The following SDK2 variants were observed in gnomAD, a reference collection of about 807,000 sequenced individuals.
The protein encoded by SDK2 is protein sidekick-2.
In SDK2, 105 loss-of-function variants were observed where a neutral mutation model predicts 253.9. The ratio of observed to expected loss-of-function variants is 0.41; its 90% CI spans 0.35 to 0.49. The LOEUF is 0.49. Ranked by LOEUF, SDK2 falls within the 20% of genes least tolerant of loss-of-function variation. The probability of loss-of-function intolerance (pLI) is 0.06; values close to 1 mark genes in which losing one functional copy is unlikely to be tolerated. For synonymous variants in SDK2, 1,249 were observed against 1,234.9 expected, an observed-to-expected ratio of 1.01 and a Z score of -0.24; for missense variants, 2,608 against 3,003.0, an observed-to-expected ratio of 0.87 and a Z score of 3.07.
At chr17:73,607,446 T>C (rs1024698588) in intron 1 of SDK2, among the ~76,000 whole-genome samples, 1 of 152,086 alleles carries the variant, frequency 6.6e-6, no homozygotes, top group East Asian at 1.9e-4. Context: ...GCATTTGGGA[T>C]CTACCGGGGG....
chr17:73,376,641 G>A (rs1461088536), intron 36 of SDK2, among the ~76,000 whole-genome samples: 1 of 151,962 alleles, frequency 6.6e-6, no homozygotes, highest in Non-Finnish European at 1.5e-5. Flanking sequence ...ATGGTGTTGT[G>A]CACCTGCACA....
chr17:73,550,152 G>C (rs2045031601), intron 1 of SDK2, among the ~76,000 whole-genome samples: 1 of 152,264 alleles, frequency 6.6e-6, no homozygotes, highest in East Asian at 1.9e-4. Flanking sequence ...TTCCAGGTCA[G>C]GTTGAGCTGG....
chr17:73,630,500 G>T (rs942405232), intron 1 of SDK2, among the ~76,000 whole-genome samples: 2 of 151,450 alleles, frequency 1.3e-5, no homozygotes, highest in African/African-American at 4.9e-5. Flanking sequence ...TTCCCCCAGG[G>T]CCTGGCACTA....
rs1216765266 is a variant in SDK2 at position 73,383,584 on chromosome 17, T to C, written c.4705+292A>G. 6.6e-6 allele frequency among the ~76,000 whole-genome samples: 1 copy of C among 152,162 alleles called. No individual in the cohort carries two copies. The highest frequency in any genetic ancestry group is 1.5e-5 in the Non-Finnish European group (1 of 68,022). On this transcript the variant is annotated intron_variant, in intron 33 of 44. Coordinates refer to ENST00000392650, the MANE Select transcript of SDK2 (RefSeq NM_001144952.2). The surrounding 1 kb of genome is among the most constrained non-coding windows in gnomAD (Gnocchi z 4.3). Reference sequence around the variant, plus strand: ...TCCCTGGCTTTAGGTCCTCCTAGAATGTTTCCTTCCCAGCTCGCCTGGCTC... The same window carrying C: ...TCCCTGGCTTTAGGTCCTCCTAGAACGTTTCCTTCCCAGCTCGCCTGGCTC...
intron 32 of SDK2, among the ~76,000 whole-genome samples, chr17:73,385,639 C>G (rs1029524756): frequency 1.3e-5 from 2 of 152,084 alleles, no homozygotes; most frequent in African/African-American, 4.8e-5. Flanking sequence ...TGTAATGAGG[C>G]GTGTTATGGG....
At position 73,390,242 on chromosome 17, in the gene SDK2, C is replaced by G. The variant is rs199778648; in HGVS notation, c.4192+45G>C. 3,038 of 1,478,248 alleles carry G rather than the reference C, an allele frequency of 2.1e-3. 11 individuals carry two copies. The highest frequency in any genetic ancestry group is 0.012 in the South Asian group (946 of 76,248). The allele number at this position is 1,478,248 out of a possible 1,614,324, so 91.6% of individuals were successfully genotyped here. A position where few individuals can be genotyped will look rare whatever the true frequency, so the allele number is the denominator to read the frequency against. ...ACAGCTCAGAGCACTGGCTGGCCCC[C>G]CCTCAGCTGCCCCCAAGCCTTCCCT... is the stretch of plus-strand genomic sequence containing the variant. On this transcript the variant is annotated intron_variant, in intron 29 of 44. Transcript: ENST00000392650.
At chr17:73,438,748 C>T (rs938879889) in intron 6 of SDK2, among the ~76,000 whole-genome samples, 5 of 152,144 alleles carry the variant, frequency 3.3e-5, no homozygotes, top group South Asian at 2.1e-4. Context: ...CCCAAGCCCC[C>T]GAGACTTGGG....
chr17:73,451,007 G>A (rs2063486560), intron 4 of SDK2, among the ~76,000 whole-genome samples: 1 of 152,260 alleles, frequency 6.6e-6, no homozygotes, highest in African/African-American at 2.4e-5. Flanking sequence ...GCCAGAGACA[G>A]ACTTTGCATC....
chr17:73,397,966 G>A, intron 24 of SDK2, 69 bp downstream of exon 24: 1 of 1,530,090 alleles, frequency 6.5e-7, no homozygotes, highest in Non-Finnish European at 8.9e-7. Context: ...ATTCTGATGT[G>A]CACCTTCTAG....
intron 2 of SDK2, among the ~76,000 whole-genome samples, chr17:73,482,265 A>G (rs1380684027): frequency 7.9e-6 from 1 of 126,140 alleles, no homozygotes; most frequent in Admixed American, 8.2e-5. Context: ...ACAAGACTCC[A>G]TCTCAAAAAA....
At chr17:73,552,439 C>G (rs1056822896) in intron 1 of SDK2, among the ~76,000 whole-genome samples, 2 of 152,198 alleles carry the variant, frequency 1.3e-5, no homozygotes, top group Non-Finnish European at 2.9e-5. Flanking sequence ...ATCTGTGTCA[C>G]GCATTGAAAC....
intron 1 of SDK2, among the ~76,000 whole-genome samples, chr17:73,613,590 CCCCCA>C (rs2046006960): frequency 1.6e-3 from 32 of 19,796 alleles, no homozygotes; most frequent in South Asian, 9.9e-3. Context: ...TGCGGCCCCA[CCCCCA>C]CCCCCACCCC....
Position 73,483,657 on chromosome 17 carries a change from GTGTGTATA to G in SDK2, c.225-11447_225-11440del, listed in dbSNP as rs1281216855. 7.3e-4 allele frequency among the ~76,000 whole-genome samples: 28 copies of G among 38,266 alleles called. 1 individual carries two copies. Among genetic ancestry groups the G allele is most frequent in the Admixed American group, 9.2e-4 (3 of 3,252 alleles). The allele number at this position is 38,266 out of a possible 152,430, so 25.1% of individuals were successfully genotyped here. A position where few individuals can be genotyped will look rare whatever the true frequency, so the allele number is the denominator to read the frequency against. On this transcript the variant is annotated intron_variant, in intron 2 of 44. Coordinates refer to ENST00000392650, the MANE Select transcript of SDK2 (RefSeq NM_001144952.2). Reference sequence around the variant, plus strand: ...TATATATATATGTGTGTGTGTGTGTGTGTGTATATATATATATATATATATTTATATAT... The same window carrying G: ...TATATATATATGTGTGTGTGTGTGTGTATATATATATATATATTTATATAT...
chr17:73,550,809 C>T (rs934437484), intron 1 of SDK2, among the ~76,000 whole-genome samples: 2 of 152,172 alleles, frequency 1.3e-5, no homozygotes, highest in African/African-American at 4.8e-5. Flanking sequence ...CCTCTACCAT[C>T]CCTAGGCCGG....
chr17:73,629,209 C>A lies in SDK2; in HGVS notation c.64+14816G>T, dbSNP rs530494597. 1.1e-4 allele frequency among the ~76,000 whole-genome samples: 17 copies of A among 152,282 alleles called. No homozygotes were observed. Among genetic ancestry groups the A allele is most frequent in the African/African-American group, 3.9e-4 (16 of 41,550 alleles). Reference sequence around the variant, plus strand: ...TGACCTTAGTAATTCTCTTTGTTCCCTACCATTTTAGCTCAGATACGGGCC... The same window carrying A: ...TGACCTTAGTAATTCTCTTTGTTCCATACCATTTTAGCTCAGATACGGGCC... On this transcript the variant is annotated intron_variant, in intron 1 of 44. Transcript: ENST00000392650. This position sits in a 1 kb window ranked among gnomAD's most constrained non-coding sequence, Gnocchi z 5.0.
intron 11 of SDK2, 24 bp from the exon 12 acceptor site, chr17:73,430,637 A>G: frequency 6.7e-7 from 1 of 1,486,578 alleles, no homozygotes; most frequent in Non-Finnish European, 9.0e-7. Context: ...CGGAGACAGC[A>G]TGGTGAGAAG....
intron 1 of SDK2, among the ~76,000 whole-genome samples, chr17:73,591,708 T>G (rs748313315): frequency 2.4e-4 from 37 of 152,256 alleles, no homozygotes; most frequent in East Asian, 3.9e-4. Context: ...AACTAGGACA[T>G]GGCATGGCGA....
At chr17:73,557,558 T>C (rs2045163243) in intron 1 of SDK2, among the ~76,000 whole-genome samples, 1 of 152,044 alleles carries the variant, frequency 6.6e-6, no homozygotes, top group Non-Finnish European at 1.5e-5. Context: ...CTACCTCAGC[T>C]TCCCAAAGTG....
chr17:73,490,887 A>G (rs1007530903), intron 2 of SDK2, among the ~76,000 whole-genome samples: 30 of 152,136 alleles, frequency 2.0e-4, no homozygotes, highest in African/African-American at 6.5e-4. Context: ...TAACCACCCT[A>G]CGAGGTCAGA....
Sources: allele counts gnomAD v4.1 joint callset (sites outside exome capture counted in the v4.1 genomes callset), GRCh38; gene constraint gnomAD v4.1.1; non-coding constraint Gnocchi (gnomAD v3.1); transcripts MANE v1.5; gene names NCBI Gene and HGNC (gene_info 2026-07-23, HGNC 2026-07-21).